The following NLRP2 variants were observed in gnomAD, a reference collection of about 807,000 sequenced individuals.
NLRP2 encodes the protein NLR family pyrin domain containing 2.
Under a neutral mutation model 97.2 loss-of-function variants are expected in NLRP2, and 107 were observed. That is an observed-to-expected ratio of 1.10 (90% CI 0.94 to 1.29). The LOEUF is 1.29. Among genes scored for constraint, NLRP2 ranks in the 50% most tolerant of loss-of-function variants. NLRP2 has a pLI of 0.00. For missense variants in NLRP2, 1,495 were observed against 1,330.3 expected (o/e 1.12, Z -1.93); for synonymous variants, 663 against 551.5 (o/e 1.20, Z -2.83).
chr19:54,991,065 T>C (rs2072444639), intron 10 of NLRP2: 1 of 253,882 alleles, frequency 3.9e-6, no homozygotes, highest in Non-Finnish European at 7.6e-6. Flanking sequence ...TGTTTTCTCT[T>C]AATCTGTGTT....
chr19:54,981,644 T>C lies in NLRP2; in HGVS notation c.425T>C (p.Ile142Thr). Residue 142 changes from isoleucine to threonine, a missense_variant, in exon 5 of 13, where the codon ATC becomes ACC. Coordinates refer to ENST00000448584, the MANE Select transcript of NLRP2 (RefSeq NM_017852.5). ...TTTACAGAAACGAAAGGAAATGTCA[T>C]CTGCCTGGGTAAAGAAGTCTTTAAA... ...QAFTETKGNV[I>T]CLGKEVFKGK... 2 of 1,597,580 alleles carry C rather than the reference T, an allele frequency of 1.3e-6. No homozygotes were observed. Among genetic ancestry groups the C allele is most frequent in the Non-Finnish European group, 1.7e-6 (2 of 1,165,258 alleles).
At chr19:54,996,057 A>AAAC (rs1427713069) in intron 11 of NLRP2, among the ~76,000 whole-genome samples, 2 of 150,824 alleles carry the variant, frequency 1.3e-5, no homozygotes, top group Admixed American at 6.6e-5. Context: ...AAAAAAACAA[A>AAAC]AAAAACAAAG....
chr19:54,971,716 C>T (rs893092798), intron 2 of NLRP2, among the ~76,000 whole-genome samples: 17 of 152,062 alleles, frequency 1.1e-4, no homozygotes, highest in Non-Finnish European at 2.4e-4. Context: ...CTATCGCTTT[C>T]AGGTATCGTA....
intron 3 of NLRP2, among the ~76,000 whole-genome samples, chr19:54,975,873 C>T (rs866838270): frequency 6.6e-6 from 1 of 152,094 alleles, no homozygotes; most frequent in Non-Finnish European, 1.5e-5. Context: ...ACCTCAGCCT[C>T]CTGAGTAGCT....
At chr19:54,968,948 G>A (rs1157078462) in intron 1 of NLRP2, among the ~76,000 whole-genome samples, 2 of 151,710 alleles carry the variant, frequency 1.3e-5, no homozygotes, top group African/African-American at 2.4e-5. Context: ...CGATCCGCCC[G>A]CCTCGGCCTC....
Position 54,982,244 on chromosome 19 carries a change from C to T in NLRP2, c.546C>T (p.Val182=). 8 of 1,614,058 alleles carry T rather than the reference C, an allele frequency of 5.0e-6. No homozygotes were observed. Among genetic ancestry groups the T allele is most frequent in the Non-Finnish European group, 6.8e-6 (8 of 1,180,026 alleles). The part of the protein sequence containing the change: ...WKSWPGDSKE[V]QVMAERYKML... ...GCTGGCCTGGAGATAGCAAAGAGGT[C>T]CAGGTTATGGCTGAGAGATACAAGA... Residue 182 remains valine, a synonymous_variant, in exon 6 of 13, where the codon GTC becomes GTT. Coordinates refer to ENST00000448584, the MANE Select transcript of NLRP2 (RefSeq NM_017852.5).
intron 11 of NLRP2, 143 bp downstream of exon 11, chr19:54,994,582 T>C: frequency 1.1e-6 from 1 of 879,952 alleles, no homozygotes; most frequent in Non-Finnish European, 1.9e-6. Context: ...ACTAGGATGG[T>C]TAAAGGAATA....
Position 55,000,583 on chromosome 19 carries a change from ACTGT to A in NLRP2, c.3051-174_3051-171del, listed in dbSNP as rs1250811980. On this transcript the variant is annotated intron_variant, in intron 12 of 12. Transcript: ENST00000448584. ...CGTGAGCCATCACGCCCCACCTGAGACTGTCTTTTAAAAAAAAAAAAAAAAAATC... is the reference window on the plus strand; with the variant it reads ...CGTGAGCCATCACGCCCCACCTGAGACTTTTAAAAAAAAAAAAAAAAAATC... Among the ~76,000 whole-genome samples the A allele has an allele frequency of 3.5e-5, 5 of 141,140 alleles. No homozygotes were observed. The South Asian group carries it at 1.2e-3, about 33-fold the overall frequency. The allele number at this position is 141,140 out of a possible 152,430, so 92.6% of individuals were successfully genotyped here.
chr19:54,995,046 G>A (rs1158636521), intron 11 of NLRP2, among the ~76,000 whole-genome samples: 1 of 149,150 alleles, frequency 6.7e-6, no homozygotes, highest in Admixed American at 6.7e-5. Context: ...AGGCACAGTG[G>A]CTCATACCTG....
rs140551179 is a variant in NLRP2 at position 54,983,924 on chromosome 19, C to T, written c.2030+196C>T. 8.8e-3 allele frequency among the ~76,000 whole-genome samples: 1,335 copies of T among 152,298 alleles called. 77 individuals carry two copies. In the South Asian group the frequency reaches 0.12, roughly 14 times the overall value. On this transcript the variant is annotated intron_variant, in intron 6 of 12. Coordinates refer to ENST00000448584, the MANE Select transcript of NLRP2 (RefSeq NM_017852.5). ...GGAGCGCAGTGGCGCGATCTTGGCT[C>T]CCTGCAACCTCCGCCTCCCGGGTTC...
intron 3 of NLRP2, among the ~76,000 whole-genome samples, chr19:54,977,487 T>TTGTGTGTGTGTGTGTG (rs61515967): frequency 9.8e-4 from 145 of 147,536 alleles, no homozygotes; most frequent in East Asian, 3.2e-3. Context: ...CGTGAGTAGT[T>TTGTGTGTGTGTGTGTG]TGTGTGTGTG....
Position 55,000,837 on chromosome 19 carries a change from T to C in NLRP2, c.3128T>C (p.Ile1043Thr). 6.2e-7 allele frequency: 1 copy of C among 1,613,492 alleles called. No homozygotes were observed. Among genetic ancestry groups the C allele is most frequent in the Non-Finnish European group, 8.5e-7 (1 of 1,179,448 alleles). The stretch of plus-strand genomic sequence containing the variant: ...GAAGAAAAAAACCCACAACTGATTA[T>C]TGATACTGAGAAACATCATCCCTGG... ...EIEEKNPQLI[I>T]DTEKHHPWAE... is the part of the protein sequence containing the mutation. Residue 1043 changes from isoleucine to threonine, a missense_variant, in exon 13 of 13, where the codon ATT (isoleucine) becomes ACT (threonine). Transcript: ENST00000448584.
intron 11 of NLRP2, among the ~76,000 whole-genome samples, chr19:54,994,920 T>C (rs1257288142): frequency 1.3e-5 from 2 of 151,030 alleles, no homozygotes; most frequent in African/African-American, 4.9e-5. Context: ...TATGTCTAAG[T>C]TCTAGTCTGT....
At chr19:54,985,691 A>C (rs1568509837) in intron 7 of NLRP2, among the ~76,000 whole-genome samples, 1 of 149,140 alleles carries the variant, frequency 6.7e-6, no homozygotes, top group Admixed American at 6.7e-5. Context: ...AAAAAAAAAA[A>C]AAAAAAAGAA....
At chr19:54,978,161 C>G (rs958579728) in intron 4 of NLRP2, among the ~76,000 whole-genome samples, 1 of 151,822 alleles carries the variant, frequency 6.6e-6, no homozygotes, top group African/African-American at 2.4e-5. Flanking sequence ...CAGGTTCAAG[C>G]GATTCTCCTG....
At position 54,996,948 on chromosome 19, in the gene NLRP2, C is replaced by T. The variant is rs933193126; in HGVS notation, c.2880-369C>T. 2.6e-5 allele frequency among the ~76,000 whole-genome samples: 4 copies of T among 152,102 alleles called. No homozygotes were observed. In the East Asian group the frequency reaches 7.7e-4, roughly 29 times the overall value. Reference sequence around the variant, plus strand: ...TTGAGACCGGAGTCTCACTCTGTCACCCAGGCTGGAGTGCAATGGCGCGAT... The same window carrying T: ...TTGAGACCGGAGTCTCACTCTGTCATCCAGGCTGGAGTGCAATGGCGCGAT... On this transcript the variant is annotated intron_variant, in intron 11 of 12. Coordinates refer to ENST00000448584, the MANE Select transcript of NLRP2 (RefSeq NM_017852.5).
chr19:54,988,464 T>C (rs764926552), intron 8 of NLRP2, among the ~76,000 whole-genome samples: 6 of 152,074 alleles, frequency 3.9e-5, no homozygotes, highest in Non-Finnish European at 5.9e-5. Context: ...GTATTTCTAG[T>C]ATTTTGTATT....
rs1049377636 is a variant in NLRP2, at chr19:54,966,461, T to G, written c.-24T>G. The G allele has an allele frequency of 6.6e-6, 1 of 152,136 alleles. No individual in the cohort carries two copies. The highest frequency in any genetic ancestry group is 2.4e-5 in the African/African-American group (1 of 41,440). 9.4% of individuals were successfully genotyped at this position (152,136 alleles called of 1,614,324 possible). A position where few individuals can be genotyped will look rare whatever the true frequency, so the allele number is the denominator to read the frequency against. ...CTCCGCCGGCGAGTAGGGCCAGGTG[T>G]TGGGAGGTGAGTAGCTCTCCGGCAG... On this transcript the variant is annotated 5_prime_UTR_variant, in exon 1 of 13. Coordinates refer to ENST00000448584, the MANE Select transcript of NLRP2 (RefSeq NM_017852.5).
chr19:54,977,440 G>C (rs1312007870), intron 3 of NLRP2, among the ~76,000 whole-genome samples: 1 of 151,204 alleles, frequency 6.6e-6, no homozygotes, highest in Non-Finnish European at 1.5e-5. Context: ...AGAAAAACTA[G>C]GCAGTTAATC....
Sources: gnomAD v4.1 joint callset for allele counts (sites outside exome capture counted in the v4.1 genomes callset) on GRCh38, gnomAD v4.1.1 for gene constraint, MANE v1.5 for transcripts, NCBI Gene and HGNC (gene_info 2026-07-23, HGNC 2026-07-21) for gene names.